Variants in CBLN4 observed in about 807,000 individuals in gnomAD.
CBLN4 encodes cerebellin-4.
In CBLN4, 7 loss-of-function variants were observed where a neutral mutation model predicts 14.9. The observed-to-expected ratio is 0.47, with a 90% CI of 0.27 to 0.88. The LOEUF is 0.88. Among genes scored for constraint, CBLN4 ranks in the 40% least tolerant of loss-of-function variants. The probability of loss-of-function intolerance (pLI) is 0.14; values close to 1 mark genes in which losing one functional copy is unlikely to be tolerated. For missense variants in CBLN4, 188 were observed against 256.8 expected (o/e 0.73, Z 1.83); for synonymous variants, 131 against 116.5 (o/e 1.12, Z -0.80).
At position 56,004,025 on chromosome 20, in the gene CBLN4, G is replaced by A; in HGVS notation, c.147C>T (p.Ala49=). 1 of 1,614,018 alleles carries A rather than the reference G, an allele frequency of 6.2e-7. No homozygotes were observed. The change falls in exon 1 of 3, where the codon GCC becomes GCT. Residue 49 remains alanine, a synonymous_variant. Transcript: ENST00000064571. The surrounding 1 kb of genome is among the most constrained non-coding windows in gnomAD (Gnocchi z 6.1). ...KCLVVCDSNP[A]TDSKGSSSSP... Reference sequence around the variant, plus strand: ...AGGAAGAGGAGCCCTTGGAGTCCGTGGCCGGGTTCGAGTCGCACACCACCA... The same window carrying A: ...AGGAAGAGGAGCCCTTGGAGTCCGTAGCCGGGTTCGAGTCGCACACCACCA...
intron 1 of CBLN4, among the ~76,000 whole-genome samples, chr20:56,003,181 G>A (rs1038219998): frequency 4.6e-5 from 7 of 151,996 alleles, no homozygotes; most frequent in South Asian, 2.1e-4. Flanking sequence ...GCTCCCAAGC[G>A]CTTTCCTACA....
intron 1 of CBLN4, among the ~76,000 whole-genome samples, chr20:56,002,949 G>C (rs562540539): frequency 6.6e-6 from 1 of 152,322 alleles, no homozygotes; most frequent in East Asian, 1.9e-4. Context: ...TGTTGGGGCT[G>C]AAATTAAAAA....
chr20:56,005,486 G>T lies in CBLN4; in HGVS notation c.-1315C>A, dbSNP rs1008577605. The T allele has an allele frequency of 1.3e-5, 2 of 152,282 alleles. No individual in the cohort carries two copies. Among genetic ancestry groups the T allele is most frequent in the Non-Finnish European group, 2.9e-5 (2 of 68,122 alleles). 9.4% of individuals were successfully genotyped at this position (152,282 alleles called of 1,614,324 possible). A position where few individuals can be genotyped will look rare whatever the true frequency, so the allele number is the denominator to read the frequency against. ...GGAGCCCGCCCCACACAGCCCTGGGGCCTGGCGAGCTCAGGGAAGCCTTGG... is the reference window on the plus strand; with the variant it reads ...GGAGCCCGCCCCACACAGCCCTGGGTCCTGGCGAGCTCAGGGAAGCCTTGG... On this transcript the variant is annotated 5_prime_UTR_variant, in exon 1 of 3. Coordinates refer to ENST00000064571, the MANE Select transcript of CBLN4 (RefSeq NM_080617.6).
chr20:56,002,940 G>A (rs1025547092), intron 1 of CBLN4, among the ~76,000 whole-genome samples: 16 of 152,190 alleles, frequency 1.1e-4, no homozygotes, highest in Non-Finnish European at 1.2e-4. Context: ...TCTGGATACT[G>A]TTGGGGCTGA....
rs749471305 is a variant in CBLN4, at chr20:56,003,975, G to T, written c.197C>A (p.Ala66Glu). 6.2e-7 allele frequency: 1 copy of T among 1,613,904 alleles called. No homozygotes were observed. Residue 66 changes from alanine (A) to glutamate (E), a missense_variant, in exon 1 of 3, where the codon GCG becomes GAG. Physicochemically the swap from Ala to Glu is moderately radical, Grantham distance 107. Around this residue, in one of 2 missense-constraint regions of CBLN4, gnomAD observed 95 missense variants for 99.2 expected, o/e 0.96. Coordinates refer to ENST00000064571, the MANE Select transcript of CBLN4 (RefSeq NM_080617.6). ...SSSPLGISVR[A>E]ANSKVAFSAV... ...CGAGAAGGCGACCTTGGAGTTGGCC[G>T]CCCGGACCGATATCCCCAGCGGGGA...
Position 56,003,957 on chromosome 20 carries a change from G to A in CBLN4, c.215C>T (p.Ala72Val). Residue 72 changes from alanine to valine, a missense_variant, in exon 1 of 3, where the codon GCC becomes GTC. Around this residue, in one of 2 missense-constraint regions of CBLN4, gnomAD observed 95 missense variants for 99.2 expected, o/e 0.96. Transcript: ENST00000064571. ...GTTGGTGCTCCGCACCGCCGAGAAG[G>A]CGACCTTGGAGTTGGCCGCCCGGAC... Reference protein sequence around the residue: ...ISVRAANSKVAFSAVRSTNHE... With the variant: ...ISVRAANSKVVFSAVRSTNHE... The A allele has an allele frequency of 6.2e-7, 1 of 1,613,970 alleles. No individual in the cohort carries two copies. Among genetic ancestry groups the A allele is most frequent in the Non-Finnish European group, 8.5e-7 (1 of 1,179,998 alleles).
rs1463107961 is a variant in CBLN4, at chr20:55,997,790, G to A, written c.*767C>T. ...AATAAAGTATAAGATTTCCCTCGGAGGGGAGCTGTTTTGCTGAGGCTCAGG... is the reference window on the plus strand; with the variant it reads ...AATAAAGTATAAGATTTCCCTCGGAAGGGAGCTGTTTTGCTGAGGCTCAGG... On this transcript the variant is annotated 3_prime_UTR_variant, in exon 3 of 3. Coordinates refer to ENST00000064571, the MANE Select transcript of CBLN4 (RefSeq NM_080617.6). 6.6e-6 allele frequency: 1 copy of A among 152,562 alleles called. No homozygotes were observed. The highest frequency in any genetic ancestry group is 1.5e-5 in the Non-Finnish European group (1 of 68,024). The allele number at this position is 152,562 out of a possible 1,614,324, so 9.5% of individuals were successfully genotyped here. A position where few individuals can be genotyped will look rare whatever the true frequency, so the allele number is the denominator to read the frequency against.
chr20:55,997,890 A>G lies in CBLN4; in HGVS notation c.*667T>C, dbSNP rs1167455188. ...TGATCTATTCTTCTTCTTAGAAAATATAACTTGGAAAATATGACTCTTTCA... is the reference window on the plus strand; with the variant it reads ...TGATCTATTCTTCTTCTTAGAAAATGTAACTTGGAAAATATGACTCTTTCA... On this transcript the variant is annotated 3_prime_UTR_variant, in exon 3 of 3. Transcript: ENST00000064571. The G allele has an allele frequency of 1.3e-5, 2 of 152,640 alleles. No homozygotes were observed. Among genetic ancestry groups the G allele is most frequent in the African/African-American group, 2.4e-5 (1 of 41,452 alleles). 9.5% of individuals were successfully genotyped at this position (152,640 alleles called of 1,614,324 possible).
chr20:56,004,115 C>G lies in CBLN4; in HGVS notation c.57G>C (p.Thr19=), dbSNP rs1236568724. 1 of 1,602,166 alleles carries G rather than the reference C, an allele frequency of 6.2e-7. No homozygotes were observed. The highest frequency in any genetic ancestry group is 8.5e-7 in the Non-Finnish European group (1 of 1,176,040). Residue 19 remains threonine, a synonymous_variant, in exon 1 of 3, where the codon ACG becomes ACC. Transcript: ENST00000064571. This position sits in a 1 kb window ranked among gnomAD's most constrained non-coding sequence, Gnocchi z 6.1. ...GTGCCCAGACGGGCAGCCCCGGCAGCGTGAGGACCAGCAGCACGGCCGGCA... is the reference window on the plus strand; with the variant it reads ...GTGCCCAGACGGGCAGCCCCGGCAGGGTGAGGACCAGCAGCACGGCCGGCA... The part of the protein sequence containing the change: ...SAVPAVLLVL[T]LPGLPVWAQN...
chr20:56,003,944 C>T lies in CBLN4; in HGVS notation c.228G>A (p.Val76=). The T allele has an allele frequency of 6.2e-7, 1 of 1,613,888 alleles. No homozygotes were observed. Among genetic ancestry groups the T allele is most frequent in the Non-Finnish European group, 8.5e-7 (1 of 1,179,970 alleles). The part of the protein sequence containing the change: ...AANSKVAFSA[V]RSTNHEPSEM... ...CGGATGGCTCGTGGTTGGTGCTCCG[C>T]ACCGCCGAGAAGGCGACCTTGGAGT... The change falls in exon 1 of 3, where the codon GTG becomes GTA. Residue 76 remains valine, a synonymous_variant. Transcript: ENST00000064571.
Position 56,000,757 on chromosome 20 carries a change from T to C in CBLN4, c.382A>G (p.Lys128Glu). Residue 128 changes from lysine to glutamate, a missense_variant, in exon 2 of 3, where the codon AAA becomes GAA. By Grantham distance (56) the Lys-to-Glu change is moderately conservative. This residue lies in a region of CBLN4 where 93 missense variants were observed against 157.7 expected (regional missense o/e 0.59). Transcript: ENST00000064571. ...TGGATAGTTTGGCTCTGGTAGACTT[T>C]AATCACGTGAAAACTGAAACTGTAA... ...GIYSFSFHVI[K>E]VYQSQTIQVN... 1 of 1,599,688 alleles carries C rather than the reference T, an allele frequency of 6.3e-7. No homozygotes were observed. Among genetic ancestry groups the C allele is most frequent in the Non-Finnish European group, 8.5e-7 (1 of 1,173,270 alleles).
In CBLN4 at chr20:56,000,914, T is replaced by C. The variant is rs953650154; in HGVS notation, c.292-67A>G. 2.1e-5 allele frequency: 15 copies of C among 705,848 alleles called. No individual in the cohort carries two copies. In the Admixed American group the frequency reaches 4.4e-4, roughly 21 times the overall value. 43.7% of individuals were successfully genotyped at this position (705,848 alleles called of 1,614,324 possible). Reference sequence around the variant, plus strand: ...TCTTCTGTAACTAAAATGAATTTTCTTCCTCTCACTCTCTTCCTCTCCTCT... The same window carrying C: ...TCTTCTGTAACTAAAATGAATTTTCCTCCTCTCACTCTCTTCCTCTCCTCT... On this transcript the variant is annotated intron_variant, in intron 1 of 2. Transcript: ENST00000064571.
At position 56,004,430 on chromosome 20, in the gene CBLN4, A is replaced by T. The variant is rs1433994809; in HGVS notation, c.-259T>A. On this transcript the variant is annotated 5_prime_UTR_variant, in exon 1 of 3. Coordinates refer to ENST00000064571, the MANE Select transcript of CBLN4 (RefSeq NM_080617.6). This position sits in a 1 kb window ranked among gnomAD's most constrained non-coding sequence, Gnocchi z 6.1. ...CCCTTTACCCTACTCTCCTCCGCCC[A>T]AGAATCAGCCCTGCCTGGGGCCCCT... The T allele has an allele frequency of 7.3e-6, 3 of 413,570 alleles. No individual in the cohort carries two copies. Among genetic ancestry groups the T allele is most frequent in the Non-Finnish European group, 1.3e-5 (3 of 237,634 alleles). 25.6% of individuals were successfully genotyped at this position (413,570 alleles called of 1,614,324 possible).
Position 56,004,992 on chromosome 20 carries a change from A to T in CBLN4, c.-821T>A, listed in dbSNP as rs1185277918. ...GCAGCCCGGAGAGCGCGAAGCGGGCACACGCGCTCTATTTATAGGAGCGCA... is the reference window on the plus strand; with the variant it reads ...GCAGCCCGGAGAGCGCGAAGCGGGCTCACGCGCTCTATTTATAGGAGCGCA... On this transcript the variant is annotated 5_prime_UTR_variant, in exon 1 of 3. Transcript: ENST00000064571. The surrounding 1 kb of genome is among the most constrained non-coding windows in gnomAD (Gnocchi z 6.1). The T allele has an allele frequency of 1.3e-5, 2 of 152,246 alleles. No individual in the cohort carries two copies. The highest frequency in any genetic ancestry group is 2.4e-5 in the African/African-American group (1 of 41,466). 9.4% of individuals were successfully genotyped at this position (152,246 alleles called of 1,614,324 possible).
chr20:55,998,680 G>A lies in CBLN4; in HGVS notation c.483C>T (p.Ala161=). Residue 161 remains alanine, a synonymous_variant, in exon 3 of 3, where the codon GCC becomes GCT. Coordinates refer to ENST00000064571, the MANE Select transcript of CBLN4 (RefSeq NM_080617.6). ...AGDKDVTREA[A]TNGVLLYLDK... ...CTAGGTAGAGCAGGACACCATTCGT[G>A]GCAGCTTCACGAGTAACATCTTTGT... 6.2e-7 allele frequency: 1 copy of A among 1,614,088 alleles called. No individual in the cohort carries two copies. Among genetic ancestry groups the A allele is most frequent in the Non-Finnish European group, 8.5e-7 (1 of 1,179,976 alleles).
chr20:56,000,697 T>G, intron 2 of CBLN4, 34 bp downstream of exon 2: 27 of 1,111,724 alleles, frequency 2.4e-5, no homozygotes, highest in Non-Finnish European at 3.5e-5. Context: ...CACAGTTGGT[T>G]GAGAGTATGG....
In CBLN4 at chr20:55,997,735, T is replaced by C. The variant is rs1986301339; in HGVS notation, c.*822A>G. 1 of 152,524 alleles carries C rather than the reference T, an allele frequency of 6.6e-6. No homozygotes were observed. The highest frequency in any genetic ancestry group is 6.5e-5 in the Admixed American group (1 of 15,272). The allele number at this position is 152,524 out of a possible 1,614,324, so 9.4% of individuals were successfully genotyped here. On this transcript the variant is annotated 3_prime_UTR_variant, in exon 3 of 3. Coordinates refer to ENST00000064571, the MANE Select transcript of CBLN4 (RefSeq NM_080617.6). The stretch of plus-strand genomic sequence containing the variant: ...AACCTTAGGTTTTTAATAAAGTGGT[T>C]ATTATCAATCATTTTAATTAAAGTT...
At chr20:56,000,678 AAAGAT>A in intron 2 of CBLN4, 48 bp downstream of exon 2, 1 of 831,310 alleles carries the variant, frequency 1.2e-6, no homozygotes, top group South Asian at 2.3e-5. Context: ...ATAACCCACT[AAAGAT>A]AAGCACAGTT....
At chr20:56,002,838 TG>T (rs1235441968) in intron 1 of CBLN4, among the ~76,000 whole-genome samples, 10 of 152,228 alleles carry the variant, frequency 6.6e-5, no homozygotes, top group Non-Finnish European at 4.4e-5. Flanking sequence ...GTGCTTTCCC[TG>T]GCACATCCTG....
Sources: allele counts gnomAD v4.1 joint callset (sites outside exome capture counted in the v4.1 genomes callset), GRCh38; gene constraint gnomAD v4.1.1; regional missense constraint gnomAD v4.1.1; non-coding constraint Gnocchi (gnomAD v3.1); transcripts MANE v1.5; gene names NCBI Gene and HGNC (gene_info 2026-07-23, HGNC 2026-07-21).